COL21A1: variants seen among roughly 807,000 people sequenced by gnomAD.
The protein encoded by COL21A1 is collagen type XXI alpha 1 chain, also known as collagen alpha-1(XXI) chain.
In COL21A1, 149 loss-of-function variants were observed where a neutral mutation model predicts 137.9. The ratio of observed to expected loss-of-function variants is 1.08; its 90% CI spans 0.95 to 1.24. COL21A1 has a LOEUF of 1.24. Ranked by LOEUF, COL21A1 falls within the 50% of genes most tolerant of loss-of-function variation. COL21A1 has a pLI of 0.00. For synonymous variants in COL21A1, 456 were observed against 391.5 expected (o/e 1.16, Z -1.95); for missense variants, 1,167 against 1,158.4 (o/e 1.01, Z -0.11).
chr6:56,144,934 C>T (rs1774720382), intron 10 of COL21A1, among the ~76,000 whole-genome samples: 1 of 152,206 alleles, frequency 6.6e-6, no homozygotes, highest in African/African-American at 2.4e-5. Flanking sequence ...TTATTATCCA[C>T]TTCACTTTTG....
At chr6:56,281,610 C>T (rs552056027) in intron 1 of COL21A1, among the ~76,000 whole-genome samples, 2 of 152,300 alleles carry the variant, frequency 1.3e-5, no homozygotes, top group Admixed American at 6.5e-5. Context: ...ATGAATGTTT[C>T]ACCATTACAG....
At chr6:56,190,149 C>G (rs1271387108) in intron 1 of COL21A1, among the ~76,000 whole-genome samples, 1 of 152,046 alleles carries the variant, frequency 6.6e-6, no homozygotes, top group Admixed American at 6.6e-5. Context: ...TCAATGAATC[C>G]AGGAGCTGGT....
chr6:56,204,073 T>A (rs934158068), intron 1 of COL21A1, among the ~76,000 whole-genome samples: 1 of 151,176 alleles, frequency 6.6e-6, no homozygotes, highest in Non-Finnish European at 1.5e-5. Flanking sequence ...AGCTGTGGAG[T>A]TTTTTTGTTT....
intron 1 of COL21A1, among the ~76,000 whole-genome samples, chr6:56,269,392 A>G (rs1763468605): frequency 6.6e-6 from 1 of 152,166 alleles, no homozygotes. Context: ...GCGGTGGCTC[A>G]CGCCTGTAAT....
At chr6:56,269,342 T>C (rs978467949) in intron 1 of COL21A1, among the ~76,000 whole-genome samples, 5 of 151,894 alleles carry the variant, frequency 3.3e-5, no homozygotes, top group Non-Finnish European at 7.4e-5. Flanking sequence ...AAGAAAAAAA[T>C]CTTACAGGCA....
At chr6:56,373,326 G>A (rs952140819) in intron 1 of COL21A1, among the ~76,000 whole-genome samples, 4 of 152,240 alleles carry the variant, frequency 2.6e-5, no homozygotes, top group African/African-American at 4.8e-5. Context: ...TTTAGGCCAG[G>A]TGCAGTGGCT....
intron 1 of COL21A1, among the ~76,000 whole-genome samples, chr6:56,313,866 G>T (rs958545899): frequency 6.6e-6 from 1 of 152,168 alleles, no homozygotes; most frequent in Non-Finnish European, 1.5e-5. Flanking sequence ...GTAAGAGAAA[G>T]CACATGAGGT....
intron 1 of COL21A1, among the ~76,000 whole-genome samples, chr6:56,269,870 C>G (rs899406937): frequency 6.6e-6 from 1 of 152,090 alleles, no homozygotes; most frequent in Non-Finnish European, 1.5e-5. Context: ...CCTTCTCAGA[C>G]AAGCAAACAC....
At chr6:56,070,942 T>C (rs1046100049) in intron 20 of COL21A1, 144 bp from the exon 21 acceptor site, 9 of 640,092 alleles carry the variant, frequency 1.4e-5, no homozygotes, top group Non-Finnish European at 2.3e-5. Flanking sequence ...ACATTAGACC[T>C]ATGTATTAAG....
chr6:56,241,175 C>T (rs12205794), intron 1 of COL21A1, among the ~76,000 whole-genome samples: 70,223 of 152,008 alleles, frequency 0.46, 17,121 homozygotes, highest in African/African-American at 0.58. Context: ...AACGCAAGGC[C>T]TTTCGGAGGT....
intron 1 of COL21A1, among the ~76,000 whole-genome samples, chr6:56,345,618 C>T (rs1366242278): frequency 6.6e-6 from 1 of 152,188 alleles, no homozygotes; most frequent in Middle Eastern, 3.2e-3. Flanking sequence ...CACGCCTGAT[C>T]GCTACATCTT....
intron 1 of COL21A1, among the ~76,000 whole-genome samples, chr6:56,311,210 A>G (rs563814760): frequency 1.2e-4 from 19 of 152,360 alleles, no homozygotes; most frequent in African/African-American, 4.6e-4. Flanking sequence ...AGTAAATAGC[A>G]TAAACCAGAG....
intron 1 of COL21A1, among the ~76,000 whole-genome samples, chr6:56,213,103 G>A (rs1202254953): frequency 2.0e-5 from 3 of 151,948 alleles, no homozygotes; most frequent in Admixed American, 6.6e-5. Context: ...GTGACTCTAT[G>A]ATAAATCAAT....
At chr6:56,330,853 T>A (rs1765204538) in intron 1 of COL21A1, among the ~76,000 whole-genome samples, 1 of 152,118 alleles carries the variant, frequency 6.6e-6, no homozygotes. Context: ...GTAGTTATAT[T>A]TTTAGATCTT....
upstream of COL21A1, among the ~76,000 whole-genome samples, chr6:56,249,701 A>G (rs1256184853): frequency 1.3e-5 from 2 of 152,182 alleles, no homozygotes; most frequent in African/African-American, 4.8e-5. Context: ...ATCCATACCT[A>G]TAATACATGA....
At chr6:56,218,517 CTTG>C (rs1561995543) in intron 1 of COL21A1, among the ~76,000 whole-genome samples, 2 of 151,896 alleles carry the variant, frequency 1.3e-5, no homozygotes, top group East Asian at 1.9e-4. Flanking sequence ...GTTTTTTTGC[CTTG>C]TTGAAATTTG....
chr6:56,287,699 T>C (rs1449057524), intron 1 of COL21A1, among the ~76,000 whole-genome samples: 1 of 152,150 alleles, frequency 6.6e-6, no homozygotes, highest in African/African-American at 2.4e-5. Context: ...CAGGTAGTTC[T>C]TTATAGCAAT....
intron 1 of COL21A1, among the ~76,000 whole-genome samples, chr6:56,346,561 A>G (rs1159635479): frequency 6.6e-6 from 1 of 152,246 alleles, no homozygotes; most frequent in East Asian, 1.9e-4. Flanking sequence ...ACAAATTTAC[A>G]TACCACAATC....
chr6:56,176,366 C>A (rs1777469642), intron 3 of COL21A1, among the ~76,000 whole-genome samples: 2 of 151,300 alleles, frequency 1.3e-5, no homozygotes, highest in Middle Eastern at 3.2e-3. Flanking sequence ...ATTTGCAAAC[C>A]ATATATCTGA....
Sources: allele counts gnomAD v4.1 joint callset (sites outside exome capture counted in the v4.1 genomes callset), GRCh38; gene constraint gnomAD v4.1.1; transcripts MANE v1.5; gene names NCBI Gene and HGNC (gene_info 2026-07-23, HGNC 2026-07-21).